ZFPM2: variants seen among roughly 807,000 people sequenced by gnomAD.
ZFPM2 encodes the protein zinc finger protein, FOG family member 2.
ZFPM2 carries 20 observed loss-of-function variants against 98.6 expected under a neutral mutation model. The ratio of observed to expected loss-of-function variants is 0.20; its 90% confidence interval spans 0.14 to 0.29. ZFPM2 has a LOEUF of 0.29. Among genes scored for constraint, ZFPM2 ranks in the 10% least tolerant of loss-of-function variants. ZFPM2 has a pLI of 1.00. For missense variants in ZFPM2, 1,310 were observed against 1,388.6 expected (o/e 0.94, Z 0.90); for synonymous variants, 518 against 502.7 (o/e 1.03, Z -0.41).
intron 1 of ZFPM2, among the ~76,000 whole-genome samples, chr8:105,399,469 G>A (rs113679738): frequency 3.7e-4 from 56 of 152,238 alleles, no homozygotes; most frequent in African/African-American, 1.3e-3. Flanking sequence ...GATCAATTAC[G>A]ACTCCTCACT....
intron 4 of ZFPM2, among the ~76,000 whole-genome samples, chr8:105,616,471 CA>C (rs1816416786): frequency 6.6e-6 from 1 of 151,972 alleles, no homozygotes; most frequent in South Asian, 2.1e-4. Context: ...ACACATTGAT[CA>C]TTCTGTTAAA....
At chr8:105,475,301 T>C (rs1188544642) in intron 3 of ZFPM2, among the ~76,000 whole-genome samples, 2 of 152,230 alleles carry the variant, frequency 1.3e-5, no homozygotes, top group African/African-American at 4.8e-5. Context: ...TCTCTGCTTC[T>C]CATTGTTATG....
At chr8:105,681,509 G>A (rs1170009004) in intron 5 of ZFPM2, among the ~76,000 whole-genome samples, 3 of 152,182 alleles carry the variant, frequency 2.0e-5, no homozygotes, top group Non-Finnish European at 4.4e-5. Flanking sequence ...ACATGATTGT[G>A]TGTGTGTATT....
At chr8:105,373,705 C>A (rs1359949878) in intron 1 of ZFPM2, among the ~76,000 whole-genome samples, 1 of 151,976 alleles carries the variant, frequency 6.6e-6, no homozygotes, top group Non-Finnish European at 1.5e-5. Context: ...ACAACTACAA[C>A]AAAACTAAAT....
Position 105,441,494 on chromosome 8 carries a change from G to GA in ZFPM2, c.200-2783dup, listed in dbSNP as rs1262149483. Among the ~76,000 whole-genome samples, 9 of 86,532 alleles carry GA rather than the reference G, an allele frequency of 1.0e-4. 2 individuals carry two copies. The highest frequency in any genetic ancestry group is 3.1e-4 in the African/African-American group (7 of 22,596). 56.8% of individuals were successfully genotyped at this position (86,532 alleles called of 152,430 possible). On this transcript the variant is annotated intron_variant, in intron 2 of 7. Coordinates refer to ENST00000407775, the MANE Select transcript of ZFPM2 (RefSeq NM_012082.4). ...AGAAAGAAAGAAAGAAAGAAAGAAA[G>GA]AAAGAAATCAAAGCCCAGGGGCGCC...
At chr8:105,387,783 G>T (rs1176487619) in intron 1 of ZFPM2, 1 of 153,050 alleles carries the variant, frequency 6.5e-6, no homozygotes, top group Non-Finnish European at 1.5e-5. Context: ...CGCCAAAGTG[G>T]GAGCCCAGGC....
chr8:105,700,075 T>C (rs996188820), intron 5 of ZFPM2, among the ~76,000 whole-genome samples: 3 of 152,190 alleles, frequency 2.0e-5, no homozygotes, highest in Non-Finnish European at 4.4e-5. Flanking sequence ...CATTTTAACC[T>C]TGGAATACTA....
intron 3 of ZFPM2, among the ~76,000 whole-genome samples, chr8:105,523,864 C>T (rs983344179): frequency 2.6e-5 from 4 of 152,204 alleles, no homozygotes; most frequent in African/African-American, 2.4e-5. Flanking sequence ...TTCAGGCCCC[C>T]CTGTGGTCAA....
rs145404763 is a variant in ZFPM2, at chr8:105,361,992, C to A, written c.40+43011C>A. 6.8e-4 allele frequency among the ~76,000 whole-genome samples: 103 copies of A among 152,146 alleles called. 1 individual carries two copies. Among genetic ancestry groups the A allele is most frequent in the African/African-American group, 2.3e-3 (97 of 41,492 alleles). ...AGGTTTACTCTATGATGTTACATAA[C>A]AATGAAATCACCTAACAGTGTATTT... On this transcript the variant is annotated intron_variant, in intron 1 of 7. Coordinates refer to ENST00000407775, the MANE Select transcript of ZFPM2 (RefSeq NM_012082.4).
chr8:105,472,267 T>A lies in ZFPM2; in HGVS notation c.301+27886T>A, dbSNP rs558170834. Among the ~76,000 whole-genome samples the A allele has an allele frequency of 4.6e-5, 7 of 152,334 alleles. No individual in the cohort carries two copies. The East Asian group carries it at 1.4e-3, about 29-fold the overall frequency. Reference sequence around the variant, plus strand: ...CCATGGTACTACCAAGTTAAAACATTAAAGCTACTGGGGAATCTAAAGTAA... The same window carrying A: ...CCATGGTACTACCAAGTTAAAACATAAAAGCTACTGGGGAATCTAAAGTAA... On this transcript the variant is annotated intron_variant, in intron 3 of 7. Coordinates refer to ENST00000407775, the MANE Select transcript of ZFPM2 (RefSeq NM_012082.4).
intron 4 of ZFPM2, among the ~76,000 whole-genome samples, chr8:105,581,320 A>C (rs1352118316): frequency 6.6e-6 from 1 of 152,166 alleles, no homozygotes; most frequent in African/African-American, 2.4e-5. Context: ...TGAATGAATC[A>C]ATGTGATACG....
rs540448527 is a variant in ZFPM2 at position 105,761,716 on chromosome 8, G to T, written c.533-27002G>T. On this transcript the variant is annotated intron_variant, in intron 5 of 7. Transcript: ENST00000407775. ...GACTTTTGTGTATTGCTTCCCTCCT[G>T]AAAAAAATACATTTAACTCAGAAAA... 1.9e-3 allele frequency among the ~76,000 whole-genome samples: 289 copies of T among 151,700 alleles called. 1 individual carries two copies. The highest frequency in any genetic ancestry group is 6.7e-3 in the African/African-American group (279 of 41,408).
At chr8:105,362,937 A>G (rs1182262398) in intron 1 of ZFPM2, among the ~76,000 whole-genome samples, 8 of 152,156 alleles carry the variant, frequency 5.3e-5, no homozygotes, top group African/African-American at 2.4e-5. Context: ...ATATTTCCTA[A>G]GGTAGCCGGC....
At chr8:105,572,158 T>C (rs1203566036) in intron 4 of ZFPM2, among the ~76,000 whole-genome samples, 1 of 148,706 alleles carries the variant, frequency 6.7e-6, no homozygotes, top group Non-Finnish European at 1.5e-5. Flanking sequence ...CTGCCTCAGC[T>C]TCCTGAGTAG....
At chr8:105,679,663 G>A (rs1329345686) in intron 5 of ZFPM2, among the ~76,000 whole-genome samples, 1 of 151,972 alleles carries the variant, frequency 6.6e-6, no homozygotes, top group Non-Finnish European at 1.5e-5. Context: ...CGAGGGTAGT[G>A]GTGTGTGCCT....
At chr8:105,389,104 G>A (rs972467875) in intron 1 of ZFPM2, among the ~76,000 whole-genome samples, 1 of 150,120 alleles carries the variant, frequency 6.7e-6, no homozygotes. Flanking sequence ...CCTTCTGGAT[G>A]GCCCACTTAA....
At chr8:105,670,364 C>T (rs916602437) in intron 5 of ZFPM2, among the ~76,000 whole-genome samples, 2 of 151,910 alleles carry the variant, frequency 1.3e-5, no homozygotes, top group Admixed American at 6.6e-5. Flanking sequence ...GGCGCGGTGG[C>T]GGGCGCCTGT....
chr8:105,695,378 ATTTTTT>A lies in ZFPM2; in HGVS notation c.532+61042_532+61047del, dbSNP rs1165726984. Among the ~76,000 whole-genome samples, 25 of 74,836 alleles carry A rather than the reference ATTTTTT, an allele frequency of 3.3e-4. No individual in the cohort carries two copies. In the South Asian group the frequency reaches 4.3e-3, roughly 13 times the overall value. The allele number at this position is 74,836 out of a possible 152,430, so 49.1% of individuals were successfully genotyped here. A position where few individuals can be genotyped will look rare whatever the true frequency, so the allele number is the denominator to read the frequency against. On this transcript the variant is annotated intron_variant, in intron 5 of 7. Transcript: ENST00000407775. ...TTTAAGTCAGGCAAGAATGGTTTGT[ATTTTTT>A]TTTTTTTTTTTTTTTTTTTTGCTGT...
chr8:105,670,286 C>T lies in ZFPM2; in HGVS notation c.532+35929C>T, dbSNP rs543246672. ...CCAAGGCGGGCGGGTCACAAGGTCA[C>T]GAGATTGAGACCATCCTGGCTAACA... On this transcript the variant is annotated intron_variant, in intron 5 of 7. Coordinates refer to ENST00000407775, the MANE Select transcript of ZFPM2 (RefSeq NM_012082.4). 3.9e-5 allele frequency among the ~76,000 whole-genome samples: 6 copies of T among 151,910 alleles called. No individual in the cohort carries two copies. The East Asian group carries it at 9.8e-4, about 25-fold the overall frequency.
Sources: allele counts gnomAD v4.1 joint callset (sites outside exome capture counted in the v4.1 genomes callset), GRCh38; gene constraint gnomAD v4.1.1; transcripts MANE v1.5; gene names NCBI Gene and HGNC (gene_info 2026-07-23, HGNC 2026-07-21).